SLC38A11: variants seen among roughly 807,000 people sequenced by gnomAD.
SLC38A11 encodes the protein solute carrier family 38 member 11, also known as putative sodium-coupled neutral amino acid transporter 11.
A neutral mutation model predicts 49.4 loss-of-function variants in SLC38A11; 51 were observed. That is an observed-to-expected ratio of 1.03 (90% CI 0.83 to 1.30). SLC38A11 has a LOEUF of 1.30. SLC38A11 is among the 50% of genes most tolerant of loss of function. SLC38A11 has a pLI of 0.00. For synonymous variants in SLC38A11, 203 were observed against 192.9 expected (o/e 1.05, Z -0.43); for missense variants, 574 against 556.2 (o/e 1.03, Z -0.32).
At chr2:164,937,993 C>G (rs887456885) in intron 6 of SLC38A11, among the ~76,000 whole-genome samples, 1 of 151,844 alleles carries the variant, frequency 6.6e-6, no homozygotes, top group Admixed American at 6.6e-5. Context: ...TTGCTTCTTC[C>G]TCTCTGTTCT....
In SLC38A11 at chr2:164,940,301, C is replaced by T. The variant is rs1035385746; in HGVS notation, c.431-745G>A. Among the ~76,000 whole-genome samples, 9 of 148,568 alleles carry T rather than the reference C, an allele frequency of 6.1e-5. No individual in the cohort carries two copies. In the East Asian group the frequency reaches 9.8e-4, roughly 16 times the overall value. Reference sequence around the variant, plus strand: ...TGTTGTGTGTATAATCACACATAAACAGAAGTTTTAAACATGAAATGAAAC... The same window carrying T: ...TGTTGTGTGTATAATCACACATAAATAGAAGTTTTAAACATGAAATGAAAC... On this transcript the variant is annotated intron_variant, in intron 5 of 11. Coordinates refer to ENST00000685975, the MANE Select transcript of SLC38A11 (RefSeq NM_001351537.2).
chr2:164,915,019 G>A (rs1299794736), intron 9 of SLC38A11, 93 bp downstream of exon 9: 6 of 1,152,258 alleles, frequency 5.2e-6, no homozygotes, highest in Non-Finnish European at 7.2e-6. Flanking sequence ...CTTTGAAATA[G>A]AACACTGGGC....
intron 7 of SLC38A11, among the ~76,000 whole-genome samples, chr2:164,928,440 T>C (rs1354619810): frequency 2.0e-5 from 3 of 152,176 alleles, no homozygotes; most frequent in African/African-American, 7.2e-5. Context: ...GATTCATTCA[T>C]GCATCCAGTT....
At chr2:164,910,331 T>C (rs901977829) in intron 10 of SLC38A11, among the ~76,000 whole-genome samples, 2 of 152,120 alleles carry the variant, frequency 1.3e-5, no homozygotes, top group Non-Finnish European at 2.9e-5. Context: ...CACGTGAGAA[T>C]GCACCATCTG....
At chr2:164,916,809 A>G (rs1685824689) in intron 7 of SLC38A11, among the ~76,000 whole-genome samples, 1 of 152,194 alleles carries the variant, frequency 6.6e-6, no homozygotes, top group South Asian at 2.1e-4. Flanking sequence ...CTAACACATC[A>G]TGAATAATGA....
chr2:164,948,332 C>T (rs558482305), intron 3 of SLC38A11, among the ~76,000 whole-genome samples: 11 of 152,210 alleles, frequency 7.2e-5, no homozygotes, highest in Non-Finnish European at 1.6e-4. Flanking sequence ...CTAGCAAATG[C>T]TTACACAATG....
rs781211862 is a variant in SLC38A11 at position 164,915,105 on chromosome 2, A to AT, written c.850+6dup. On this transcript the variant is annotated splice_region_variant and intron_variant, in intron 9 of 11. Transcript: ENST00000685975. ...CATGAACACTATAACTGAATCTCTC[A>AT]TTTTACCTTGGGTGAAGCCAGTAAA... 131 of 1,602,092 alleles carry AT rather than the reference A, an allele frequency of 8.2e-5. No individual in the cohort carries two copies. The highest frequency in any genetic ancestry group is 4.5e-4 in the South Asian group (40 of 88,714).
intron 5 of SLC38A11, among the ~76,000 whole-genome samples, chr2:164,943,712 C>T (rs550247878): frequency 6.6e-6 from 1 of 152,252 alleles, no homozygotes; most frequent in South Asian, 2.1e-4. Context: ...CACTCCTGGG[C>T]TCAAGCAATC....
Position 164,895,962 on chromosome 2 carries a change from T to A in SLC38A11, c.*2475A>T, listed in dbSNP as rs1027202969. ...GATGTGATTCTTGCCTACCACCACC[T>A]TTTTAAAGTTAAGAAGTGCTTTATA... On this transcript the variant is annotated 3_prime_UTR_variant, in exon 12 of 12. Transcript: ENST00000685975. 6.6e-6 allele frequency among the ~76,000 whole-genome samples: 1 copy of A among 152,236 alleles called. No individual in the cohort carries two copies. The highest frequency in any genetic ancestry group is 2.4e-5 in the African/African-American group (1 of 41,464).
intron 7 of SLC38A11, among the ~76,000 whole-genome samples, chr2:164,931,619 C>A (rs925153845): frequency 6.6e-6 from 1 of 152,098 alleles, no homozygotes; most frequent in Non-Finnish European, 1.5e-5. Flanking sequence ...ATTAGGGCTG[C>A]ACAGCTACAA....
At chr2:164,919,065 G>A (rs576820969) in intron 7 of SLC38A11, among the ~76,000 whole-genome samples, 10 of 152,264 alleles carry the variant, frequency 6.6e-5, no homozygotes, top group Admixed American at 5.9e-4. Context: ...GGCTGGGCAT[G>A]ATGGTTCACG....
chr2:164,909,659 C>T lies in SLC38A11; in HGVS notation c.964-888G>A, dbSNP rs528652770. The stretch of plus-strand genomic sequence containing the variant: ...GCAGAATTATAGGCTGAGACAAGAG[C>T]GTGAAAAAGAGCAAAGAGGTAATAA... On this transcript the variant is annotated intron_variant, in intron 10 of 11. Coordinates refer to ENST00000685975, the MANE Select transcript of SLC38A11 (RefSeq NM_001351537.2). Among the ~76,000 whole-genome samples, 11 of 150,014 alleles carry T rather than the reference C, an allele frequency of 7.3e-5. No individual in the cohort carries two copies. The South Asian group carries it at 1.3e-3, about 18-fold the overall frequency.
At chr2:164,903,771 T>C (rs1326703073) in intron 11 of SLC38A11, among the ~76,000 whole-genome samples, 2 of 152,166 alleles carry the variant, frequency 1.3e-5, no homozygotes, top group Non-Finnish European at 2.9e-5. Context: ...ACAGTTCTTA[T>C]TAATTGATAA....
At chr2:164,908,060 T>C (rs1199979488) in intron 11 of SLC38A11, 1 of 152,176 alleles carries the variant, frequency 6.6e-6, no homozygotes, top group African/African-American at 2.4e-5. Flanking sequence ...TTCTATTTGG[T>C]TGATGGCAGT....
chr2:164,946,866 C>T (rs1688146262), intron 3 of SLC38A11, among the ~76,000 whole-genome samples: 1 of 152,132 alleles, frequency 6.6e-6, no homozygotes, highest in Non-Finnish European at 1.5e-5. Flanking sequence ...CTTCTTTCAA[C>T]AGGATCATCA....
At chr2:164,941,480 A>G (rs1559124674) in intron 5 of SLC38A11, among the ~76,000 whole-genome samples, 1 of 152,142 alleles carries the variant, frequency 6.6e-6, no homozygotes, top group Non-Finnish European at 1.5e-5. Context: ...CAGAATGAAC[A>G]TTATAAACTG....
intron 9 of SLC38A11, among the ~76,000 whole-genome samples, chr2:164,913,025 A>T (rs1685506288): frequency 6.6e-6 from 1 of 152,070 alleles, no homozygotes; most frequent in Non-Finnish European, 1.5e-5. Flanking sequence ...TGAAAATTAA[A>T]TTTTTTTAAG....
chr2:164,930,315 C>T (rs1686905733), intron 7 of SLC38A11, among the ~76,000 whole-genome samples: 1 of 152,002 alleles, frequency 6.6e-6, no homozygotes, highest in Admixed American at 6.6e-5. Flanking sequence ...CTGAATTCCA[C>T]CAGATGTACA....
At chr2:164,924,490 C>T (rs1207540037) in intron 7 of SLC38A11, among the ~76,000 whole-genome samples, 1 of 152,054 alleles carries the variant, frequency 6.6e-6, no homozygotes, top group Admixed American at 6.6e-5. Context: ...GCACCTGTAT[C>T]CCCTGAATAT....
Sources: gnomAD v4.1 joint callset for allele counts (sites outside exome capture counted in the v4.1 genomes callset) on GRCh38, gnomAD v4.1.1 for gene constraint, MANE v1.5 for transcripts, NCBI Gene and HGNC (gene_info 2026-07-23, HGNC 2026-07-21) for gene names.